The following PLXNA4 variants were observed in gnomAD, a reference collection of about 807,000 sequenced individuals.
The protein encoded by PLXNA4 is plexin-A4.
In PLXNA4, 44 loss-of-function variants were observed where a neutral mutation model predicts 191.8. The ratio of observed to expected loss-of-function variants is 0.23; its 90% CI spans 0.18 to 0.29. PLXNA4 has a LOEUF of 0.29. Among genes scored for constraint, PLXNA4 ranks in the 10% least tolerant of loss-of-function variants. The pLI is 1.00. For missense variants in PLXNA4, 1,800 were observed against 2,488.8 expected, an observed-to-expected ratio of 0.72 and a Z score of 5.89; for synonymous variants, 1,082 against 1,009.5, an observed-to-expected ratio of 1.07 and a Z score of -1.36.
rs748926472 is a variant in PLXNA4 at position 132,181,394 on chromosome 7, G to A, written c.3479C>T (p.Pro1160Leu). The A allele has an allele frequency of 1.2e-6, 2 of 1,613,862 alleles. No homozygotes were observed. The highest frequency in any genetic ancestry group is 1.7e-5 in the Admixed American group (1 of 59,988). The stretch of plus-strand genomic sequence containing the variant: ...CCCTCACTCCACCTTTAGGATGATG[G>A]GCGTGCCAGGCTTGAGCTCCAGGAT... Reference protein sequence around the residue: ...SGILELKPGTPIILKGKNLIP... With the variant: ...SGILELKPGTLIILKGKNLIP... Residue 1160 changes from proline (P) to leucine (L), a missense_variant, in exon 18 of 32, where the codon CCC becomes CTC. Physicochemically the swap from Pro to Leu is moderately conservative, Grantham distance 98. Around this residue, in one of 6 missense-constraint regions of PLXNA4, gnomAD observed 1,397 missense variants for 1,880.4 expected, o/e 0.74. Coordinates refer to ENST00000321063, the MANE Select transcript of PLXNA4 (RefSeq NM_020911.2).
chr7:132,287,343 GATA>G (rs1401865030), intron 4 of PLXNA4, among the ~76,000 whole-genome samples: 1 of 152,166 alleles, frequency 6.6e-6, no homozygotes, highest in Non-Finnish European at 1.5e-5. Context: ...TAAGAATAAT[GATA>G]ATGATGACAG....
chr7:132,544,958 G>A (rs1383977117), intron 1 of PLXNA4, among the ~76,000 whole-genome samples: 1 of 152,214 alleles, frequency 6.6e-6, no homozygotes, highest in Non-Finnish European at 1.5e-5. Flanking sequence ...CTACAATAGA[G>A]GGGACTAGTA....
chr7:132,148,780 G>A lies in PLXNA4; in HGVS notation c.4661-134C>T, dbSNP rs548930099. 14 of 1,364,580 alleles carry A rather than the reference G, an allele frequency of 1.0e-5. No homozygotes were observed. In the African/African-American group the frequency reaches 1.5e-4, roughly 14 times the overall value. 84.5% of individuals were successfully genotyped at this position (1,364,580 alleles called of 1,614,324 possible). A position where few individuals can be genotyped will look rare whatever the true frequency, so the allele number is the denominator to read the frequency against. On this transcript the variant is annotated intron_variant, in intron 25 of 31. Transcript: ENST00000321063. ...TGCAAGTGCTAGCACATGCTCCTGC[G>A]AAAATGGAGTGCCAAAGCTCTCAAC...
rs1208620991 is a variant in PLXNA4 at position 132,178,711 on chromosome 7, CAT to C, written c.3874+974_3874+975del. Among the ~76,000 whole-genome samples the C allele has an allele frequency of 6.8e-4, 57 of 83,494 alleles. 1 individual carries two copies. Among genetic ancestry groups the C allele is most frequent in the African/African-American group, 4.0e-3 (45 of 11,326 alleles). The allele number at this position is 83,494 out of a possible 152,430, so 54.8% of individuals were successfully genotyped here. ...TGTAAATGAAACACATACACATACA[CAT>C]ACACACACACACACACACTTGTAAA... On this transcript the variant is annotated intron_variant, in intron 20 of 31. Transcript: ENST00000321063.
At chr7:132,249,210 TA>T (rs1329790473) in intron 4 of PLXNA4, among the ~76,000 whole-genome samples, 1 of 152,234 alleles carries the variant, frequency 6.6e-6, no homozygotes, top group Non-Finnish European at 1.5e-5. Flanking sequence ...ATTTTCAGAT[TA>T]GGGGGATCCA....
At chr7:132,497,378 A>G (rs546542636) in intron 2 of PLXNA4, among the ~76,000 whole-genome samples, 3 of 152,324 alleles carry the variant, frequency 2.0e-5, no homozygotes, top group Non-Finnish European at 4.4e-5. Flanking sequence ...GTTCATAAAT[A>G]CACAAAATGC....
chr7:132,412,568 G>T (rs1270026200), intron 3 of PLXNA4, among the ~76,000 whole-genome samples: 1 of 152,210 alleles, frequency 6.6e-6, no homozygotes, highest in African/African-American at 2.4e-5. Context: ...AGCATAGAGG[G>T]CAATTGCTTT....
At chr7:132,594,364 T>G (rs1802660108) in intron 2 of PLXNA4, among the ~76,000 whole-genome samples, 1 of 152,138 alleles carries the variant, frequency 6.6e-6, no homozygotes, top group Non-Finnish European at 1.5e-5. Flanking sequence ...GTGCCTTCAG[T>G]GGGAGCACGA....
Position 132,146,584 on chromosome 7 carries a change from C to T in PLXNA4, c.4981G>A (p.Gly1661Arg). 2 of 1,614,172 alleles carry T rather than the reference C, an allele frequency of 1.2e-6. No homozygotes were observed. Among genetic ancestry groups the T allele is most frequent in the Non-Finnish European group, 1.7e-6 (2 of 1,180,030 alleles). Reference sequence around the variant, plus strand: ...CCCCGGTCCCCCTCCTTCTGGTCTCCGTGCTCGTGGTTCTTCACTAGGTGC... The same window carrying T: ...CCCCGGTCCCCCTCCTTCTGGTCTCTGTGCTCGTGGTTCTTCACTAGGTGC... ...MWHLVKNHEH[G>R]DQKEGDRGSK... Residue 1661 changes from glycine to arginine, a missense_variant, in exon 28 of 32, where the codon GGA becomes AGA. By Grantham distance (125) the Gly-to-Arg change is moderately radical. Transcript: ENST00000321063.
intron 3 of PLXNA4, among the ~76,000 whole-genome samples, chr7:132,366,644 T>A (rs190499938): frequency 6.0e-4 from 92 of 152,376 alleles, no homozygotes; most frequent in Non-Finnish European, 1.2e-3. Flanking sequence ...ATGACTGATG[T>A]TGCAGAAAAG....
At chr7:132,451,906 A>T (rs1298819860) in intron 3 of PLXNA4, among the ~76,000 whole-genome samples, 3 of 152,196 alleles carry the variant, frequency 2.0e-5, no homozygotes, top group Admixed American at 6.5e-5. Context: ...ATCTTTCTTC[A>T]ATCAATAAAA....
chr7:132,548,411 G>T (rs1800400763), intron 1 of PLXNA4, among the ~76,000 whole-genome samples: 1 of 152,144 alleles, frequency 6.6e-6, no homozygotes, highest in Middle Eastern at 3.4e-3. Flanking sequence ...TATGTATTTG[G>T]GGGTTTTGCT....
intron 1 of PLXNA4, among the ~76,000 whole-genome samples, chr7:132,559,242 G>A (rs1433470939): frequency 6.6e-6 from 1 of 152,144 alleles, no homozygotes; most frequent in Non-Finnish European, 1.5e-5. Context: ...GGCATGAGGA[G>A]GAATGAACAG....
chr7:132,269,807 A>G (rs977319655), intron 4 of PLXNA4, among the ~76,000 whole-genome samples: 1 of 152,160 alleles, frequency 6.6e-6, no homozygotes, highest in African/African-American at 2.4e-5. Context: ...GAACAGGAAC[A>G]CGCTGCTGGG....
chr7:132,634,012 A>C (rs1222391408), intron 2 of PLXNA4, among the ~76,000 whole-genome samples: 2 of 151,868 alleles, frequency 1.3e-5, no homozygotes, highest in Non-Finnish European at 2.9e-5. Flanking sequence ...ACCTGACAGC[A>C]ATAACTTAAA....
chr7:132,417,058 T>A (rs1276983211), intron 3 of PLXNA4, among the ~76,000 whole-genome samples: 1 of 152,164 alleles, frequency 6.6e-6, no homozygotes, highest in Non-Finnish European at 1.5e-5. Flanking sequence ...CTGAATGCCT[T>A]CTTGTCTGCA....
chr7:132,489,882 T>C (rs1044300622), intron 2 of PLXNA4, among the ~76,000 whole-genome samples: 3 of 152,210 alleles, frequency 2.0e-5, no homozygotes, highest in East Asian at 1.9e-4. Context: ...ACAAGAGGGA[T>C]GTGGTCTCCG....
intron 22 of PLXNA4, among the ~76,000 whole-genome samples, chr7:132,166,762 C>T (rs997408834): frequency 6.6e-6 from 1 of 151,904 alleles, no homozygotes; most frequent in African/African-American, 2.4e-5. Context: ...AGAAAGTTGT[C>T]GGTGGGAGCT....
intron 17 of PLXNA4, among the ~76,000 whole-genome samples, 157 bp downstream of exon 17, chr7:132,181,940 C>T (rs190478428): frequency 4.0e-4 from 61 of 152,300 alleles, no homozygotes; most frequent in Non-Finnish European, 6.9e-4. Context: ...TTATGTCTTC[C>T]CCCCTATTCC....
Sources: allele counts gnomAD v4.1 joint callset (sites outside exome capture counted in the v4.1 genomes callset), GRCh38; gene constraint gnomAD v4.1.1; regional missense constraint gnomAD v4.1.1; transcripts MANE v1.5; gene names NCBI Gene and HGNC (gene_info 2026-07-23, HGNC 2026-07-21).